FANCC: variants seen among roughly 807,000 people sequenced by gnomAD.
The protein encoded by FANCC is Fanconi anemia group C protein.
Under a neutral mutation model 71.3 loss-of-function variants are expected in FANCC, and 55 were observed. That is an observed-to-expected ratio of 0.77 (90% CI 0.62 to 0.97). The LOEUF (loss-of-function observed/expected upper bound fraction) is 0.97, where lower values mean the gene tolerates loss of function less well. FANCC is among the 50% of genes least tolerant of loss of function. The pLI is 0.00. For missense variants in FANCC, 678 were observed against 670.9 expected, an observed-to-expected ratio of 1.01 and a Z score of -0.12; for synonymous variants, 275 against 244.9, an observed-to-expected ratio of 1.12 and a Z score of -1.15.
intron 1 of FANCC, among the ~76,000 whole-genome samples, chr9:95,269,502 T>C (rs1810835904): frequency 6.6e-6 from 1 of 152,120 alleles, no homozygotes; most frequent in Non-Finnish European, 1.5e-5. Flanking sequence ...AATACGTAGG[T>C]GTAAGGAAAG....
At position 95,146,241 on chromosome 9, in the gene FANCC, T is replaced by G. The variant is rs116961866; in HGVS notation, c.686+3682A>C. 3.3e-3 allele frequency among the ~76,000 whole-genome samples: 502 copies of G among 152,006 alleles called. 8 individuals carry two copies. In the East Asian group the frequency reaches 0.044, roughly 13 times the overall value. Reference sequence around the variant, plus strand: ...GTGGCTCATGCCTATAATCCCAACATTTTGGGAGGCCAAGACAGGCAGACT... The same window carrying G: ...GTGGCTCATGCCTATAATCCCAACAGTTTGGGAGGCCAAGACAGGCAGACT... On this transcript the variant is annotated intron_variant, in intron 7 of 14. Transcript: ENST00000289081.
At chr9:95,134,895 G>A (rs189757068) in intron 8 of FANCC, among the ~76,000 whole-genome samples, 1 of 152,374 alleles carries the variant, frequency 6.6e-6, no homozygotes, top group East Asian at 1.9e-4. Flanking sequence ...ACTTACAGAA[G>A]TCTTAGCTGG....
At chr9:95,292,483 C>T in intron 1 of FANCC, 1 of 1,348,810 alleles carries the variant, frequency 7.4e-7, no homozygotes, top group South Asian at 1.9e-5. Flanking sequence ...GGCAGCCGGC[C>T]GCGGCCCGCG....
intron 4 of FANCC, among the ~76,000 whole-genome samples, chr9:95,224,338 C>T (rs907568812): frequency 5.9e-5 from 9 of 152,168 alleles, no homozygotes; most frequent in Non-Finnish European, 1.3e-4. Context: ...CTAGGCCCAA[C>T]ATGGTCTGCC....
rs777274497 is a variant in FANCC at position 95,149,967 on chromosome 9, G to A, written c.642C>T (p.Ile214=). 3.1e-6 allele frequency: 5 copies of A among 1,612,398 alleles called. No homozygotes were observed. The highest frequency in any genetic ancestry group is 3.4e-6 in the Non-Finnish European group (4 of 1,179,366). ...CAGCCTCAAAGAACTCTGGCTGGAGGATTTCCTGAGGTTCACGTCCATGAC... is the reference window on the plus strand; with the variant it reads ...CAGCCTCAAAGAACTCTGGCTGGAGAATTTCCTGAGGTTCACGTCCATGAC... ...LICHGREPQE[I]LQPEFFEAVN... Residue 214 remains isoleucine, a synonymous_variant, in exon 7 of 15, where the codon ATC becomes ATT. Coordinates refer to ENST00000289081, the MANE Select transcript of FANCC (RefSeq NM_000136.3).
chr9:95,303,389 C>T (rs1834872411), intron 1 of FANCC, among the ~76,000 whole-genome samples: 1 of 152,172 alleles, frequency 6.6e-6, no homozygotes, highest in African/African-American at 2.4e-5. Context: ...CACACGCGCA[C>T]CAGCATCATG....
intron 4 of FANCC, among the ~76,000 whole-genome samples, chr9:95,208,034 G>A (rs1828243381): frequency 6.8e-6 from 1 of 147,750 alleles, no homozygotes; most frequent in Non-Finnish European, 1.5e-5. Flanking sequence ...TAAGGGACAG[G>A]AAAGTATTAA....
intron 7 of FANCC, among the ~76,000 whole-genome samples, chr9:95,141,985 G>GTT (rs1163083695): frequency 0.11 from 9,231 of 82,282 alleles, 481 homozygotes; most frequent in African/African-American, 0.14. Context: ...AGTTTGTGGG[G>GTT]TTTTTTTTTT....
intron 4 of FANCC, among the ~76,000 whole-genome samples, chr9:95,183,946 C>A (rs780869629): frequency 6.6e-6 from 1 of 152,170 alleles, no homozygotes; most frequent in Non-Finnish European, 1.5e-5. Flanking sequence ...TTTTGGCCCA[C>A]CAAAATGTAT....
chr9:95,117,554 CTCA>C (rs1013869513), intron 10 of FANCC, among the ~76,000 whole-genome samples, 164 bp from the exon 11 acceptor site: 1 of 151,994 alleles, frequency 6.6e-6, no homozygotes. Context: ...TCCCAATAAC[CTCA>C]TATTTTCCAG....
At chr9:95,226,786 T>C (rs561573437) in intron 4 of FANCC, among the ~76,000 whole-genome samples, 23 of 152,202 alleles carry the variant, frequency 1.5e-4, no homozygotes, top group Admixed American at 1.3e-3. Flanking sequence ...ACAAGTGCAA[T>C]ATCTGTGAAG....
At chr9:95,290,343 C>A (rs1833930139) in intron 1 of FANCC, among the ~76,000 whole-genome samples, 1 of 152,206 alleles carries the variant, frequency 6.6e-6, no homozygotes, top group Admixed American at 6.5e-5. Flanking sequence ...AACTGAGGAT[C>A]TTCCAAGTAT....
chr9:95,171,230 G>C (rs890612350), intron 5 of FANCC, 87 bp from the exon 6 acceptor site: 1 of 996,724 alleles, frequency 1.0e-6, no homozygotes, highest in Admixed American at 1.8e-5. Context: ...TGATATTTCC[G>C]TTGAGATTCC....
In FANCC at chr9:95,221,833, G is replaced by A. The variant is rs552611454; in HGVS notation, c.345+18816C>T. ...GAGACTGCTATACATCCATGAGGAC[G>A]ACTAAGATAAAAACAGACTGATAAT... On this transcript the variant is annotated intron_variant, in intron 4 of 14. Coordinates refer to ENST00000289081, the MANE Select transcript of FANCC (RefSeq NM_000136.3). 3.9e-5 allele frequency among the ~76,000 whole-genome samples: 6 copies of A among 152,204 alleles called. No homozygotes were observed. In the East Asian group the frequency reaches 9.6e-4, roughly 24 times the overall value.
chr9:95,294,794 C>A, intron 1 of FANCC: 1 of 1,549,838 alleles, frequency 6.5e-7, no homozygotes, highest in South Asian at 1.3e-5. Flanking sequence ...GAACCACACA[C>A]AGTCTCCAAC....
rs74699388 is a variant in FANCC at position 95,180,700 on chromosome 9, G to A, written c.346-8553C>T. On this transcript the variant is annotated intron_variant, in intron 4 of 14. Transcript: ENST00000289081. ...AATAACAAAAAGTATAGTATGTTAA[G>A]TACATAAACCAATAACACAGCCATT... 3.3e-3 allele frequency among the ~76,000 whole-genome samples: 502 copies of A among 151,326 alleles called. 9 individuals are homozygous for A. In the East Asian group the frequency reaches 0.044, roughly 13 times the overall value.
chr9:95,195,332 G>C (rs1827385588), intron 4 of FANCC, among the ~76,000 whole-genome samples: 1 of 146,568 alleles, frequency 6.8e-6, no homozygotes, highest in African/African-American at 2.5e-5. Flanking sequence ...TATAAGTTGT[G>C]AGGTTTAGGT....
intron 4 of FANCC, among the ~76,000 whole-genome samples, chr9:95,190,958 C>T (rs1435142839): frequency 2.6e-5 from 4 of 151,786 alleles, no homozygotes; most frequent in Admixed American, 1.3e-4. Flanking sequence ...CATTTCTGTG[C>T]TGGGGTCTTC....
chr9:95,294,827 C>CA, intron 1 of FANCC: 1 of 1,520,632 alleles, frequency 6.6e-7, no homozygotes, highest in African/African-American at 1.4e-5. Flanking sequence ...CAGTGGAGTC[C>CA]ATGTGTGAGA....
Sources: gnomAD v4.1 joint callset for allele counts (sites outside exome capture counted in the v4.1 genomes callset) on GRCh38, gnomAD v4.1.1 for gene constraint, MANE v1.5 for transcripts, NCBI Gene and HGNC (gene_info 2026-07-23, HGNC 2026-07-21) for gene names.